The following MEGF11 variants were observed in gnomAD, a reference collection of about 807,000 sequenced individuals.
MEGF11 encodes multiple epidermal growth factor-like domains protein 11.
In MEGF11, 126 loss-of-function variants were observed where a neutral mutation model predicts 146.6. That is an observed-to-expected ratio of 0.86 (90% CI 0.74 to 1.00). The LOEUF is 1.00. MEGF11 is among the 50% of genes least tolerant of loss of function. The pLI, the probability that MEGF11 is intolerant of heterozygous loss-of-function variation, is 0.00. For synonymous variants in MEGF11, 532 were observed against 583.4 expected (o/e 0.91, Z 1.27); for missense variants, 1,509 against 1,521.2 (o/e 0.99, Z 0.13).
intron 1 of MEGF11, among the ~76,000 whole-genome samples, chr15:66,250,809 A>AG (rs775609566): frequency 6.6e-5 from 10 of 152,116 alleles, no homozygotes; most frequent in Admixed American, 4.6e-4. Context: ...TGGGAGGCTG[A>AG]GGCAGGAGAA....
At chr15:66,229,445 C>T (rs2091920017) in intron 1 of MEGF11, among the ~76,000 whole-genome samples, 1 of 152,180 alleles carries the variant, frequency 6.6e-6, no homozygotes, top group Non-Finnish European at 1.5e-5. Context: ...TGCAGATCTT[C>T]TCCAGGAAAC....
chr15:66,076,494 G>T (rs963751732), intron 5 of MEGF11, among the ~76,000 whole-genome samples: 3 of 152,174 alleles, frequency 2.0e-5, no homozygotes, highest in Admixed American at 6.5e-5. Context: ...GCCAGAATGG[G>T]TTTTCCTTAT....
chr15:65,927,901 A>G (rs2079429841), intron 13 of MEGF11, among the ~76,000 whole-genome samples: 1 of 152,222 alleles, frequency 6.6e-6, no homozygotes, highest in Non-Finnish European at 1.5e-5. Flanking sequence ...AGGGACTGAA[A>G]TGGCAGATCT....
At chr15:65,940,224 G>A (rs749910731) in intron 10 of MEGF11, among the ~76,000 whole-genome samples, 5 of 152,170 alleles carry the variant, frequency 3.3e-5, no homozygotes, top group Non-Finnish European at 7.4e-5. Context: ...CTGGAGTTCC[G>A]GAGCTACTAA....
At chr15:66,165,696 G>A (rs2090079525) in intron 1 of MEGF11, among the ~76,000 whole-genome samples, 1 of 152,112 alleles carries the variant, frequency 6.6e-6, no homozygotes, top group Non-Finnish European at 1.5e-5. Context: ...CTGTCTCCCA[G>A]GCAGGTGGGG....
chr15:66,172,232 G>A (rs2090278979), intron 1 of MEGF11, among the ~76,000 whole-genome samples: 1 of 152,218 alleles, frequency 6.6e-6, no homozygotes, highest in African/African-American at 2.4e-5. Context: ...TCTTGCAAGA[G>A]TGGAGACCCA....
intron 1 of MEGF11, among the ~76,000 whole-genome samples, chr15:66,136,352 C>G (rs2088887992): frequency 6.6e-6 from 1 of 152,126 alleles, no homozygotes; most frequent in African/African-American, 2.4e-5. Context: ...TCCATTCCAG[C>G]CAAGAGCCCA....
intron 5 of MEGF11, among the ~76,000 whole-genome samples, chr15:66,055,331 C>G (rs2084631492): frequency 6.6e-6 from 1 of 152,230 alleles, no homozygotes. Context: ...AGTTCGTGTT[C>G]TTTAGCTAAT....
chr15:66,012,269 T>C (rs914219140), intron 5 of MEGF11, among the ~76,000 whole-genome samples: 3 of 152,230 alleles, frequency 2.0e-5, no homozygotes, highest in African/African-American at 7.2e-5. Context: ...AAATCCTTAC[T>C]GTTTTTCATT....
chr15:66,020,946 C>G (rs167998), intron 5 of MEGF11, among the ~76,000 whole-genome samples: 97,120 of 144,180 alleles, frequency 0.67, 33,141 homozygotes, highest in Non-Finnish European at 0.76. Context: ...GAGCCGAGAT[C>G]GCGCCATTGC....
chr15:65,899,965 T>TA (rs949947833), intron 24 of MEGF11, among the ~76,000 whole-genome samples: 3 of 152,142 alleles, frequency 2.0e-5, no homozygotes, highest in African/African-American at 7.2e-5. Context: ...GACTGGGAGT[T>TA]ACGGAAGGAA....
rs371431600 is a variant in MEGF11 at position 66,053,190 on chromosome 15, CTT to C, written c.394+41210_394+41211del. ...TTGTTCACTACTTTCACTGGATTAACTTTGCCTTCTCATTGAGCTTCCTTAAG... is the reference window on the plus strand; with the variant it reads ...TTGTTCACTACTTTCACTGGATTAACTGCCTTCTCATTGAGCTTCCTTAAG... On this transcript the variant is annotated intron_variant, in intron 5 of 25. Coordinates refer to ENST00000395614, the MANE Select transcript of MEGF11 (RefSeq NM_001385028.1). 1.8e-4 allele frequency among the ~76,000 whole-genome samples: 27 copies of C among 152,316 alleles called. 1 individual carries two copies. The South Asian group carries it at 5.6e-3, about 32-fold the overall frequency.
intron 5 of MEGF11, among the ~76,000 whole-genome samples, chr15:65,996,584 C>T (rs1045074423): frequency 2.0e-5 from 3 of 151,852 alleles, no homozygotes; most frequent in Non-Finnish European, 4.4e-5. Context: ...CTCCCGGGTT[C>T]AAGTGATTCT....
rs990307588 is a variant in MEGF11, at chr15:66,195,284, T to C, written c.-9+58321A>G. ...TAATCACATTCTGAGGTATTGGGGA[T>C]TAGGACTTCAACATCTGAAGTTTTG... On this transcript the variant is annotated intron_variant, in intron 1 of 25. Coordinates refer to ENST00000395614, the MANE Select transcript of MEGF11 (RefSeq NM_001385028.1). 8.6e-4 allele frequency among the ~76,000 whole-genome samples: 131 copies of C among 152,130 alleles called. 1 individual carries two copies. The highest frequency in any genetic ancestry group is 3.1e-4 in the Non-Finnish European group (21 of 68,030).
chr15:66,079,216 G>A (rs2085728551), intron 5 of MEGF11, among the ~76,000 whole-genome samples: 1 of 152,150 alleles, frequency 6.6e-6, no homozygotes, highest in Admixed American at 6.5e-5. Flanking sequence ...TTTTCTTGGG[G>A]GGACAGATGA....
chr15:65,953,970 G>A (rs1027961147), intron 10 of MEGF11, among the ~76,000 whole-genome samples: 9 of 152,200 alleles, frequency 5.9e-5, no homozygotes, highest in Admixed American at 2.0e-4. Flanking sequence ...TAAAGACCCC[G>A]GGCAGGGAGA....
chr15:66,044,850 CAAAAAAAAAAAA>C (rs140901440), intron 5 of MEGF11, among the ~76,000 whole-genome samples: 3 of 90,714 alleles, frequency 3.3e-5, no homozygotes, highest in African/African-American at 1.0e-4. Context: ...GACCTTATCT[CAAAAAAAAAAAA>C]AAAAAAAAAA....
intron 1 of MEGF11, among the ~76,000 whole-genome samples, chr15:66,188,262 A>C (rs2090766524): frequency 6.6e-6 from 1 of 152,206 alleles, no homozygotes. Flanking sequence ...AGAAGGGTAA[A>C]GAATATAAAT....
At chr15:66,251,224 C>T (rs2092365742) in intron 1 of MEGF11, among the ~76,000 whole-genome samples, 1 of 152,214 alleles carries the variant, frequency 6.6e-6, no homozygotes, top group Non-Finnish European at 1.5e-5. Flanking sequence ...ACCAGCTTTC[C>T]TGCCTCCTTC....
Sources: gnomAD v4.1 joint callset for allele counts (sites outside exome capture counted in the v4.1 genomes callset) on GRCh38, gnomAD v4.1.1 for gene constraint, MANE v1.5 for transcripts, NCBI Gene and HGNC (gene_info 2026-07-23, HGNC 2026-07-21) for gene names.